The following SDCCAG8 variants were observed in gnomAD, a reference collection of about 807,000 sequenced individuals.
The protein encoded by SDCCAG8 is SHH signaling and ciliogenesis regulator SDCCAG8, also known as serologically defined colon cancer antigen 8.
Under a neutral mutation model 101.8 loss-of-function variants are expected in SDCCAG8, and 74 were observed. The ratio of observed to expected loss-of-function variants is 0.73; its 90% CI spans 0.60 to 0.88. The LOEUF (loss-of-function observed/expected upper bound fraction) is 0.88, where lower values mean the gene tolerates loss of function less well. Among genes scored for constraint, SDCCAG8 ranks in the 40% least tolerant of loss-of-function variants. The probability of loss-of-function intolerance (pLI) is 0.00; values close to 1 mark genes in which losing one functional copy is unlikely to be tolerated. For synonymous variants in SDCCAG8, 281 were observed against 292.9 expected, an observed-to-expected ratio of 0.96 and a Z score of 0.41; for missense variants, 787 against 822.6, an observed-to-expected ratio of 0.96 and a Z score of 0.53.
At chr1:243,378,971 T>A (rs2147906287) in intron 13 of SDCCAG8, 108 bp downstream of exon 13, 2 of 1,434,106 alleles carry the variant, frequency 1.4e-6, no homozygotes, top group Admixed American at 3.4e-5. Flanking sequence ...CAATTCACAC[T>A]TAGCTTTCAG....
At chr1:243,387,949 C>T (rs999404863) in intron 13 of SDCCAG8, among the ~76,000 whole-genome samples, 2 of 152,144 alleles carry the variant, frequency 1.3e-5, no homozygotes, top group Non-Finnish European at 1.5e-5. Flanking sequence ...CTCCTGACCT[C>T]TGGTGATCTG....
intron 1 of SDCCAG8, among the ~76,000 whole-genome samples, chr1:243,259,579 G>C (rs2067035729): frequency 6.6e-6 from 1 of 152,048 alleles, no homozygotes; most frequent in Non-Finnish European, 1.5e-5. Flanking sequence ...CAGCACTTTG[G>C]GAGGCCGAGG....
At chr1:243,381,606 A>G (rs2077962626) in intron 13 of SDCCAG8, among the ~76,000 whole-genome samples, 1 of 152,128 alleles carries the variant, frequency 6.6e-6, no homozygotes, top group Non-Finnish European at 1.5e-5. Context: ...AAAAAATGGA[A>G]AATAGAAATT....
intron 16 of SDCCAG8, among the ~76,000 whole-genome samples, chr1:243,456,109 C>T (rs2083731845): frequency 6.6e-6 from 1 of 152,084 alleles, no homozygotes; most frequent in Non-Finnish European, 1.5e-5. Context: ...CTGGATCTTC[C>T]AACTCCTTAT....
intron 16 of SDCCAG8, among the ~76,000 whole-genome samples, chr1:243,481,886 A>C (rs926809201): frequency 6.6e-6 from 1 of 152,318 alleles, no homozygotes; most frequent in East Asian, 1.9e-4. Context: ...AAAAACTCTC[A>C]TTGAAAAACA....
intron 9 of SDCCAG8, among the ~76,000 whole-genome samples, chr1:243,322,220 A>G (rs2073815681): frequency 6.6e-6 from 1 of 152,202 alleles, no homozygotes; most frequent in Non-Finnish European, 1.5e-5. Context: ...ACTGGCAAGG[A>G]GGCAAGAGGC....
At chr1:243,407,916 T>A (rs938714795) in intron 13 of SDCCAG8, among the ~76,000 whole-genome samples, 6 of 152,192 alleles carry the variant, frequency 3.9e-5, no homozygotes, top group African/African-American at 1.4e-4. Context: ...CTGTTTCTTC[T>A]CAGTAGTTCC....
intron 6 of SDCCAG8, among the ~76,000 whole-genome samples, chr1:243,294,704 C>CCG (rs1553298404): frequency 8.1e-6 from 1 of 123,548 alleles, no homozygotes; most frequent in African/African-American, 3.4e-5. Context: ...ATTCCCCCCC[C>CCG]CCCCCACAGC....
chr1:243,497,202 T>G (rs1668149207), intron 17 of SDCCAG8, among the ~76,000 whole-genome samples: 1 of 152,094 alleles, frequency 6.6e-6, no homozygotes, highest in African/African-American at 2.4e-5. Flanking sequence ...GGCTTCTGTC[T>G]CGGTCAGAGA....
intron 12 of SDCCAG8, among the ~76,000 whole-genome samples, chr1:243,364,850 T>C (rs1347956279): frequency 1.3e-5 from 2 of 152,098 alleles, no homozygotes; most frequent in African/African-American, 4.8e-5. Context: ...ATAGTATGTA[T>C]GGCTTTAAGA....
intron 16 of SDCCAG8, among the ~76,000 whole-genome samples, chr1:243,460,545 C>T (rs1324687961): frequency 6.6e-6 from 1 of 152,174 alleles, no homozygotes; most frequent in Non-Finnish European, 1.5e-5. Flanking sequence ...TCTGATTGGA[C>T]ATTTAAAAAT....
At chr1:243,309,341 A>G (rs2072481750) in intron 8 of SDCCAG8, among the ~76,000 whole-genome samples, 2 of 152,222 alleles carry the variant, frequency 1.3e-5, no homozygotes, top group African/African-American at 2.4e-5. Context: ...AGTTACCTTG[A>G]GGGGTCACTA....
chr1:243,445,739 G>T (rs529933905), intron 16 of SDCCAG8, among the ~76,000 whole-genome samples: 45 of 152,306 alleles, frequency 3.0e-4, no homozygotes, highest in Middle Eastern at 6.8e-3. Context: ...CAGCCTTCAT[G>T]CAGAATTTGC....
chr1:243,289,426 C>T (rs1329326774), intron 5 of SDCCAG8, among the ~76,000 whole-genome samples: 5 of 152,350 alleles, frequency 3.3e-5, no homozygotes, highest in African/African-American at 1.2e-4. Flanking sequence ...CTCACAGACA[C>T]ACCCAGGATC....
rs564328612 is a variant in SDCCAG8, at chr1:243,386,299, C to A, written c.1616+7436C>A. 4.6e-5 allele frequency among the ~76,000 whole-genome samples: 7 copies of A among 152,280 alleles called. No homozygotes were observed. The East Asian group carries it at 1.4e-3, about 29-fold the overall frequency. On this transcript the variant is annotated intron_variant, in intron 13 of 17. Transcript: ENST00000366541. ...TTGCCTGCAAAGCTTGTACCCTTAT[C>A]CATTAAGCTGTAATTCTATGTAAAT...
chr1:243,398,198 G>A (rs1010271632), intron 13 of SDCCAG8, among the ~76,000 whole-genome samples: 7 of 152,142 alleles, frequency 4.6e-5, no homozygotes, highest in Admixed American at 2.0e-4. Context: ...GAACTGCCTG[G>A]ATCAAATAGA....
In SDCCAG8 at chr1:243,434,106, A is replaced by T. The variant is rs138452164; in HGVS notation, c.1985+7548A>T. Among the ~76,000 whole-genome samples, 28 of 152,302 alleles carry T rather than the reference A, an allele frequency of 1.8e-4. No individual in the cohort carries two copies. The East Asian group carries it at 4.4e-3, about 24-fold the overall frequency. On this transcript the variant is annotated intron_variant, in intron 16 of 17. Coordinates refer to ENST00000366541, the MANE Select transcript of SDCCAG8 (RefSeq NM_006642.5). ...AAATTGCTGTTAATTTAGCTTCATC[A>T]CAATAATTTAGTTTGTTTTGGATTG...
intron 13 of SDCCAG8, among the ~76,000 whole-genome samples, chr1:243,403,667 C>T (rs1464287382): frequency 5.3e-5 from 8 of 152,194 alleles, no homozygotes; most frequent in Non-Finnish European, 1.2e-4. Context: ...GGGCGCTAAC[C>T]GTATTGTAAA....
In SDCCAG8 at chr1:243,416,499, C is replaced by G. The variant is rs1437164883; in HGVS notation, c.1744+670C>G. Among the ~76,000 whole-genome samples, 1 of 152,178 alleles carries G rather than the reference C, an allele frequency of 6.6e-6. No individual in the cohort carries two copies. The highest frequency in any genetic ancestry group is 2.4e-5 in the African/African-American group (1 of 41,446). On this transcript the variant is annotated intron_variant, in intron 14 of 17. Coordinates refer to ENST00000366541, the MANE Select transcript of SDCCAG8 (RefSeq NM_006642.5). The surrounding 1 kb of genome is among the most constrained non-coding windows in gnomAD (Gnocchi z 4.3). Reference sequence around the variant, plus strand: ...GTGATGTTTAATCCTTTGCATTCTTCAAGTTCTCACAACTGCTGTTAAAAT... The same window carrying G: ...GTGATGTTTAATCCTTTGCATTCTTGAAGTTCTCACAACTGCTGTTAAAAT...
Sources: gnomAD v4.1 joint callset for allele counts (sites outside exome capture counted in the v4.1 genomes callset) on GRCh38, gnomAD v4.1.1 for gene constraint, Gnocchi (gnomAD v3.1) non-coding constraint, MANE v1.5 for transcripts, NCBI Gene and HGNC (gene_info 2026-07-23, HGNC 2026-07-21) for gene names.